HECW2: variants seen among roughly 807,000 people sequenced by gnomAD.
HECW2 encodes the protein E3 ubiquitin-protein ligase HECW2.
HECW2 carries 61 observed loss-of-function variants against 175.2 expected under a neutral mutation model. The ratio of observed to expected loss-of-function variants is 0.35; its 90% CI spans 0.28 to 0.43. The LOEUF is 0.43. Among genes scored for constraint, HECW2 ranks in the 20% least tolerant of loss-of-function variants. The pLI, the probability that HECW2 is intolerant of heterozygous loss-of-function variation, is 1.00. For synonymous variants in HECW2, 671 were observed against 731.0 expected, an observed-to-expected ratio of 0.92 and a Z score of 1.32; for missense variants, 1,524 against 2,000.5, an observed-to-expected ratio of 0.76 and a Z score of 4.54.
At chr2:196,295,596 T>C (rs1433355214) in intron 13 of HECW2, among the ~76,000 whole-genome samples, 1 of 152,214 alleles carries the variant, frequency 6.6e-6, no homozygotes, top group Non-Finnish European at 1.5e-5. Context: ...TAAATAGGTA[T>C]ACCTCTTTAT....
chr2:196,467,204 T>C (rs1212430984), intron 1 of HECW2, among the ~76,000 whole-genome samples: 1 of 152,260 alleles, frequency 6.6e-6, no homozygotes, highest in Non-Finnish European at 1.5e-5. Context: ...AAACTCTGCA[T>C]ATGCATTCTT....
rs142602872 is a variant in HECW2 at position 196,252,862 on chromosome 2, T to A, written c.3529+1058A>T. 9.5e-3 allele frequency among the ~76,000 whole-genome samples: 1,448 copies of A among 152,002 alleles called. 28 individuals carry two copies. The highest frequency in any genetic ancestry group is 0.034 in the African/African-American group (1,400 of 41,548). The stretch of plus-strand genomic sequence containing the variant: ...ACTTCATATTTCCCCAAATACCCCA[T>A]CCCCAGCCCTGAAAGAATAATTGTT... On this transcript the variant is annotated intron_variant, in intron 19 of 28. Transcript: ENST00000644978.
intron 26 of HECW2, chr2:196,217,362 G>A: frequency 2.9e-6 from 1 of 346,612 alleles, no homozygotes; most frequent in South Asian, 5.8e-5. Flanking sequence ...CAACAAATGA[G>A]TTATTTTAAC....
chr2:196,275,968 G>GA (rs1689939837), intron 15 of HECW2, among the ~76,000 whole-genome samples: 1 of 152,172 alleles, frequency 6.6e-6, no homozygotes, highest in South Asian at 2.1e-4. Context: ...TGCTTCTCTT[G>GA]AGTTACTGGC....
chr2:196,576,115 T>C (rs1164831255), intron 1 of HECW2, among the ~76,000 whole-genome samples: 1 of 149,758 alleles, frequency 6.7e-6, no homozygotes, highest in African/African-American at 2.4e-5. Flanking sequence ...TATGTTTAGA[T>C]AGACAAATAC....
chr2:196,545,850 A>G (rs1207661202), intron 1 of HECW2, among the ~76,000 whole-genome samples: 1 of 152,238 alleles, frequency 6.6e-6, no homozygotes, highest in Non-Finnish European at 1.5e-5. Flanking sequence ...ATAAAATTCT[A>G]TGTTGCCCAA....
chr2:196,363,623 G>C (rs956317485), intron 2 of HECW2, among the ~76,000 whole-genome samples: 1 of 152,174 alleles, frequency 6.6e-6, no homozygotes, highest in Non-Finnish European at 1.5e-5. Flanking sequence ...ATGAGGCCAG[G>C]AGTTCAAGAT....
chr2:196,255,841 G>C (rs557500325), intron 18 of HECW2, among the ~76,000 whole-genome samples: 1 of 152,340 alleles, frequency 6.6e-6, no homozygotes, highest in South Asian at 2.1e-4. Flanking sequence ...GGGAGGCCGA[G>C]GAGGGCGGAT....
chr2:196,519,266 TC>T (rs1443116541), intron 1 of HECW2, among the ~76,000 whole-genome samples: 2 of 152,112 alleles, frequency 1.3e-5, no homozygotes, highest in Non-Finnish European at 2.9e-5. Flanking sequence ...GAAACTGACT[TC>T]CGTCTGCCAC....
In HECW2 at chr2:196,308,030, G is replaced by GT; in HGVS notation, c.2489dup (p.Asn830LysfsTer22). 1.2e-6 allele frequency: 2 copies of GT among 1,602,088 alleles called. No homozygotes were observed. The highest frequency in any genetic ancestry group is 1.7e-6 in the Non-Finnish European group (2 of 1,171,262). On this transcript the variant is annotated frameshift_variant, in exon 11 of 29. Coordinates refer to ENST00000644978, the MANE Select transcript of HECW2 (RefSeq NM_001348768.2). LOFTEE classifies it high-confidence loss of function. ...TCGGTCGCTGCCACGTCGTGGTTCTGTTTACGTGATCCACGTAGAAGATCC... is the reference window on the plus strand; with the variant it reads ...TCGGTCGCTGCCACGTCGTGGTTCTGTTTTACGTGATCCACGTAGAAGATCC...
intron 13 of HECW2, among the ~76,000 whole-genome samples, chr2:196,299,764 C>A (rs561884233): frequency 3.9e-5 from 6 of 152,048 alleles, no homozygotes; most frequent in Non-Finnish European, 7.4e-5. Context: ...CCCGTCTCTA[C>A]TAAAAATACA....
Position 196,194,818 on chromosome 2 carries a change from C to T in HECW2, c.*6459G>A, listed in dbSNP as rs992107695. The T allele has an allele frequency of 5.3e-5, 8 of 152,094 alleles. No individual in the cohort carries two copies. Among genetic ancestry groups the T allele is most frequent in the Non-Finnish European group, 1.0e-4 (7 of 68,008 alleles). 9.4% of individuals were successfully genotyped at this position (152,094 alleles called of 1,614,324 possible). ...TGAAATACCACTATTAACTGTGACA[C>T]ACTGTGTGGTGAACGTAATGACTGA... On this transcript the variant is annotated 3_prime_UTR_variant, in exon 29 of 29. Coordinates refer to ENST00000644978, the MANE Select transcript of HECW2 (RefSeq NM_001348768.2).
intron 17 of HECW2, among the ~76,000 whole-genome samples, chr2:196,262,739 T>C (rs544432972): frequency 1.3e-5 from 2 of 152,248 alleles, no homozygotes; most frequent in South Asian, 2.1e-4. Context: ...CTAATTTTTG[T>C]ATTTTTAGCG....
At chr2:196,353,248 A>G (rs1355563998) in intron 2 of HECW2, among the ~76,000 whole-genome samples, 1 of 151,930 alleles carries the variant, frequency 6.6e-6, no homozygotes, top group African/African-American at 2.4e-5. Context: ...TCCTCCCTTC[A>G]ATTTTGTGGC....
At chr2:196,544,915 C>G (rs1689359153) in intron 1 of HECW2, among the ~76,000 whole-genome samples, 1 of 152,200 alleles carries the variant, frequency 6.6e-6, no homozygotes, top group South Asian at 2.1e-4. Context: ...GATTTTGCTT[C>G]TTAGCCAGGG....
At chr2:196,371,299 T>A (rs1007783848) in intron 2 of HECW2, among the ~76,000 whole-genome samples, 1 of 152,206 alleles carries the variant, frequency 6.6e-6, no homozygotes, top group African/African-American at 2.4e-5. Flanking sequence ...AAAACAGACA[T>A]ACATCTGTAC....
intron 28 of HECW2, among the ~76,000 whole-genome samples, chr2:196,208,428 G>C (rs1470635424): frequency 1.3e-5 from 2 of 152,216 alleles, no homozygotes; most frequent in Non-Finnish European, 2.9e-5. Flanking sequence ...CTCACTGCTA[G>C]GAGCAAAGCC....
chr2:196,228,058 A>G (rs752963925), intron 22 of HECW2, 44 bp downstream of exon 22: 1 of 1,478,020 alleles, frequency 6.8e-7, no homozygotes, highest in Non-Finnish European at 9.0e-7. Flanking sequence ...AACTAATATC[A>G]TAGGAAATCG....
chr2:196,258,911 T>C (rs1689172832), intron 17 of HECW2, among the ~76,000 whole-genome samples: 2 of 152,230 alleles, frequency 1.3e-5, no homozygotes, highest in South Asian at 2.1e-4. Context: ...TTTATTTAGA[T>C]TTAGTTCTTA....
Sources: gnomAD v4.1 joint callset for allele counts (sites outside exome capture counted in the v4.1 genomes callset) on GRCh38, gnomAD v4.1.1 for gene constraint, MANE v1.5 for transcripts, NCBI Gene and HGNC (gene_info 2026-07-23, HGNC 2026-07-21) for gene names.